PDK3: variants seen among roughly 807,000 people sequenced by gnomAD.
PDK3 encodes pyruvate dehydrogenase kinase, isozyme 3.
In PDK3, 12 loss-of-function variants were observed where a neutral mutation model predicts 32.0. The ratio of observed to expected loss-of-function variants is 0.37; its 90% CI spans 0.24 to 0.61. PDK3 has a LOEUF of 0.61. Ranked by LOEUF, PDK3 falls within the 20% of genes least tolerant of loss-of-function variation. The pLI, the probability that PDK3 is intolerant of heterozygous loss-of-function variation, is 0.65. For missense variants in PDK3, 188 were observed against 316.9 expected (o/e 0.59, Z 3.09); for synonymous variants, 122 against 116.3 (o/e 1.05, Z -0.31).
At chrX:24,526,354 T>G in intron 7 of PDK3, 80 bp downstream of exon 7, 1 of 606,792 alleles carries the variant, frequency 1.6e-6, no homozygotes, top group Non-Finnish European at 2.7e-6. Context: ...TTCATTAGAT[T>G]AGCATAAGAA....
Position 24,534,077 on chromosome X carries a change from C to T in PDK3, c.*5C>T. The T allele has an allele frequency of 8.4e-7, 1 of 1,189,382 alleles. No homozygotes were observed. The highest frequency in any genetic ancestry group is 1.9e-5 in the South Asian group (1 of 52,618). On this transcript the variant is annotated 3_prime_UTR_variant, in exon 11 of 11. Coordinates refer to ENST00000379162, the MANE Select transcript of PDK3 (RefSeq NM_005391.5). Reference sequence around the variant, plus strand: ...AAATACAAAGCAAAACAGTAATATACCACCTTGATTTCCATTACAAAGTAT... The same window carrying T: ...AAATACAAAGCAAAACAGTAATATATCACCTTGATTTCCATTACAAAGTAT...
downstream of PDK3, chrX:24,539,046 A>G (rs145937547): frequency 7.7e-3 from 4,378 of 567,568 alleles, 108 homozygotes; most frequent in Admixed American, 0.083. Context: ...AATTATCACT[A>G]TAATGAAATA....
exon 12 of PDK3, chrX:24,548,550 G>T (rs1208216265): frequency 8.9e-6 from 1 of 112,027 alleles, no homozygotes; most frequent in Non-Finnish European, 1.9e-5. Flanking sequence ...AGTAATATTT[G>T]CCCTCCAGTT....
intron 1 of PDK3, among the ~76,000 whole-genome samples, chrX:24,476,871 C>T (rs781508201): frequency 1.0e-3 from 115 of 112,139 alleles, no homozygotes; most frequent in African/African-American, 3.6e-3. Context: ...GACTATATGG[C>T]CCACAAAGCC....
At chrX:24,483,327 C>G (rs1244645363) in intron 1 of PDK3, among the ~76,000 whole-genome samples, 2 of 112,094 alleles carry the variant, frequency 1.8e-5, no homozygotes, top group Non-Finnish European at 3.8e-5. Context: ...ACCGTTAGGA[C>G]TAGATTCTAA....
intron 9 of PDK3, 62 bp from the exon 10 acceptor site, chrX:24,531,595 A>G (rs751961624): frequency 1.7e-6 from 1 of 581,765 alleles, no homozygotes; most frequent in South Asian, 2.7e-5. Context: ...CTGAATGGTC[A>G]TCATATAAAA....
intron 1 of PDK3, among the ~76,000 whole-genome samples, chrX:24,489,157 G>A (rs1460248384): frequency 1.8e-5 from 2 of 111,365 alleles, no homozygotes; most frequent in Admixed American, 9.5e-5. Context: ...CTGAGTATCC[G>A]GCATTAATAC....
At chrX:24,513,733 G>T (rs980527381) in intron 5 of PDK3, 1 of 111,651 alleles carries the variant, frequency 9.0e-6, no homozygotes, top group Non-Finnish European at 1.9e-5. Flanking sequence ...TTTTTTAGGT[G>T]TCATTTGTTG....
intron 6 of PDK3, among the ~76,000 whole-genome samples, chrX:24,522,478 A>T (rs1202248691): frequency 8.9e-6 from 1 of 111,910 alleles, no homozygotes; most frequent in East Asian, 2.8e-4. Flanking sequence ...AAAACCCACT[A>T]TATAAAAGGT....
exon 12 of PDK3, among the ~76,000 whole-genome samples, chrX:24,544,436 G>A (rs762785997): frequency 1.3e-4 from 14 of 111,526 alleles, no homozygotes; most frequent in African/African-American, 4.6e-4. Context: ...TTTGGATACC[G>A]GAGGGGATGA....
chrX:24,492,367 T>TCC (rs1485565926), intron 1 of PDK3, among the ~76,000 whole-genome samples: 3 of 110,280 alleles, frequency 2.7e-5, no homozygotes, highest in African/African-American at 9.9e-5. Flanking sequence ...GGTGGGTGGA[T>TCC]CACTTGAGGT....
chrX:24,472,914 C>T (rs1204410851), intron 1 of PDK3, among the ~76,000 whole-genome samples: 3 of 106,692 alleles, frequency 2.8e-5, no homozygotes, highest in East Asian at 3.0e-4. Context: ...CTTGAACTCT[C>T]GACCTCAGGT....
At chrX:24,469,939 C>A (rs1206865342) in intron 1 of PDK3, among the ~76,000 whole-genome samples, 1 of 111,913 alleles carries the variant, frequency 8.9e-6, no homozygotes, top group Non-Finnish European at 1.9e-5. Context: ...CAGCTAAAAT[C>A]TACTCATTTA....
At chrX:24,477,565 G>C (rs1045194858) in intron 1 of PDK3, among the ~76,000 whole-genome samples, 12 of 111,440 alleles carry the variant, frequency 1.1e-4, no homozygotes, top group African/African-American at 3.9e-4. Context: ...TGTTAACACT[G>C]TATGTTGGTT....
chrX:24,483,691 T>C (rs1921320758), intron 1 of PDK3, among the ~76,000 whole-genome samples: 2 of 111,904 alleles, frequency 1.8e-5, no homozygotes, highest in Non-Finnish European at 1.9e-5. Flanking sequence ...GTGTTTTAAT[T>C]TTCAGTTGCG....
chrX:24,539,498 C>T, exon 12 of PDK3: 1 of 190,397 alleles, frequency 5.3e-6, no homozygotes, highest in Non-Finnish European at 9.7e-6. Flanking sequence ...TTCCAGGATT[C>T]TGTGCGCCTT....
Position 24,528,170 on chromosome X carries a change from C to T in PDK3, c.947C>T (p.Thr316Ile). ...STAPRPSLEP[T>I]RAAPLAGFGY... The stretch of plus-strand genomic sequence containing the variant: ...GCTCCTAGACCCAGCCTGGAGCCTA[C>T]CAGAGCTGCCCCTTTGGTAAGCATC... Residue 316 changes from threonine to isoleucine, a missense_variant, in exon 9 of 11, where the codon ACC (threonine) becomes ATC (isoleucine). Transcript: ENST00000379162. 2 of 1,126,156 alleles carry T rather than the reference C, an allele frequency of 1.8e-6. No individual in the cohort carries two copies. Among genetic ancestry groups the T allele is most frequent in the Non-Finnish European group, 2.4e-6 (2 of 818,791 alleles). 92.8% of individuals were successfully genotyped at this position (1,126,156 alleles called of 1,213,427 possible). A position where few individuals can be genotyped will look rare whatever the true frequency, so the allele number is the denominator to read the frequency against.
At chrX:24,514,832 ATG>A (rs1922212094) in intron 5 of PDK3, among the ~76,000 whole-genome samples, 1 of 111,332 alleles carries the variant, frequency 9.0e-6, no homozygotes, top group Admixed American at 9.6e-5. Context: ...AGTTTTAAGA[ATG>A]TGGACTCTCA....
intron 1 of PDK3, among the ~76,000 whole-genome samples, chrX:24,467,911 C>T (rs1458423204): frequency 9.0e-6 from 1 of 111,652 alleles, no homozygotes; most frequent in Non-Finnish European, 1.9e-5. Flanking sequence ...TAGCTAGCTC[C>T]AAAGGGGCAG....
Sources: allele counts gnomAD v4.1 joint callset (sites outside exome capture counted in the v4.1 genomes callset), GRCh38; gene constraint gnomAD v4.1.1; transcripts MANE v1.5; gene names NCBI Gene and HGNC (gene_info 2026-07-23, HGNC 2026-07-21).